Variants in ASB2 observed in about 807,000 individuals in gnomAD.
ASB2 encodes ankyrin repeat and SOCS box containing 2.
A neutral mutation model predicts 62.4 loss-of-function variants in ASB2; 58 were observed. The ratio of observed to expected loss-of-function variants is 0.93; its 90% CI spans 0.75 to 1.16. ASB2 has a LOEUF of 1.16. Among genes scored for constraint, ASB2 ranks in the 50% most tolerant of loss-of-function variants. The pLI, the probability that ASB2 is intolerant of heterozygous loss-of-function variation, is 0.00. For missense variants in ASB2, 928 were observed against 887.9 expected (o/e 1.05, Z -0.57); for synonymous variants, 386 against 385.3 (o/e 1.00, Z -0.02).
chr14:93,947,322 C>G, intron 7 of ASB2, 27 bp downstream of exon 7: 3 of 1,612,316 alleles, frequency 1.9e-6, no homozygotes, highest in South Asian at 2.2e-5. Flanking sequence ...GGAGAGCTGC[C>G]TGGGTGCTGG....
At chr14:93,954,972 C>G in intron 3 of ASB2, 1 of 444,936 alleles carries the variant, frequency 2.2e-6, no homozygotes, top group Admixed American at 2.5e-5. Context: ...AAATTTGAAG[C>G]CTTCACAGTT....
In ASB2 at chr14:93,935,487, C is replaced by G. The variant is rs572685594; in HGVS notation, c.1772-695G>C. Among the ~76,000 whole-genome samples, 3 of 152,332 alleles carry G rather than the reference C, an allele frequency of 2.0e-5. No homozygotes were observed. In the South Asian group the frequency reaches 6.2e-4, roughly 32 times the overall value. On this transcript the variant is annotated intron_variant, in intron 9 of 9. Transcript: ENST00000555019. ...CTGAGCCCCTCTGTTGCACCTAGCT[C>G]TGTGCTTGGGCCAGATATGCAGAGG... is the stretch of plus-strand genomic sequence containing the variant.
At chr14:93,950,086 TCA>T (rs975012566) in intron 6 of ASB2, among the ~76,000 whole-genome samples, 1 of 152,170 alleles carries the variant, frequency 6.6e-6, no homozygotes, top group African/African-American at 2.4e-5. Context: ...TCTCTGAACC[TCA>T]GTCTCTTCAT....
chr14:93,975,541 A>C (rs1889888193), intron 1 of ASB2, among the ~76,000 whole-genome samples: 3 of 152,206 alleles, frequency 2.0e-5, no homozygotes, highest in Admixed American at 2.0e-4. Context: ...TGCTCAATGC[A>C]TGTGGCTATG....
In ASB2 at chr14:93,964,613, C is replaced by T; in HGVS notation, c.-73-1G>A. The T allele has an allele frequency of 6.9e-7, 1 of 1,440,002 alleles. No homozygotes were observed. Among genetic ancestry groups the T allele is most frequent in the Non-Finnish European group, 9.4e-7 (1 of 1,060,928 alleles). 89.2% of individuals were successfully genotyped at this position (1,440,002 alleles called of 1,614,324 possible). A position where few individuals can be genotyped will look rare whatever the true frequency, so the allele number is the denominator to read the frequency against. On this transcript the variant is annotated splice_acceptor_variant, in intron 1 of 9. Coordinates refer to ENST00000555019, the MANE Select transcript of ASB2 (RefSeq NM_001202429.2). LOFTEE classifies it low-confidence loss of function (5UTR_SPLICE). Reference sequence around the variant, plus strand: ...GGAGGGAACAGCAAATCAGAAAACCCTGTGAGGAAACCAAAACCATCCTGG... The same window carrying T: ...GGAGGGAACAGCAAATCAGAAAACCTTGTGAGGAAACCAAAACCATCCTGG...
intron 8 of ASB2, among the ~76,000 whole-genome samples, chr14:93,938,114 A>G (rs1338858806): frequency 6.6e-6 from 1 of 152,124 alleles, no homozygotes; most frequent in Non-Finnish European, 1.5e-5. Flanking sequence ...TTAACATGAG[A>G]ATTAGGTAAT....
At chr14:93,957,055 G>T in intron 2 of ASB2, 185 bp from the exon 3 acceptor site, 1 of 1,472,464 alleles carries the variant, frequency 6.8e-7, no homozygotes, top group Non-Finnish European at 9.0e-7. Context: ...TGTGTCTCCG[G>T]ATTATTTTTG....
chr14:93,939,540 C>T lies in ASB2; in HGVS notation c.1185G>A (p.Val395=), dbSNP rs1221006109. ...CGCGCTCGGGGGCCAGCGGCGTGTT[C>T]ACGTCGAAGCGCGCGCTCAGCAGCG... ...LEALLSARFD[V]NTPLAPERAR... Residue 395 remains valine, a synonymous_variant, in exon 8 of 10, where the codon GTG becomes GTA. Coordinates refer to ENST00000555019, the MANE Select transcript of ASB2 (RefSeq NM_001202429.2). The T allele has an allele frequency of 8.1e-6, 13 of 1,601,980 alleles. No homozygotes were observed. In the South Asian group the frequency reaches 1.4e-4, roughly 18 times the overall value.
chr14:93,958,816 G>C (rs1475187254), intron 2 of ASB2, among the ~76,000 whole-genome samples: 1 of 152,148 alleles, frequency 6.6e-6, no homozygotes, highest in Non-Finnish European at 1.5e-5. Context: ...CTTGGGTCAC[G>C]GCCACCCTCA....
At position 93,934,385 on chromosome 14, in the gene ASB2, A is replaced by G. The variant is rs1888195477; in HGVS notation, c.*271T>C. ...AGCTCTGCCCTGGCCCCAGGAATAG[A>G]GGTTTCTGCCATTCCTGAAGGTAGA... On this transcript the variant is annotated 3_prime_UTR_variant, in exon 10 of 10. Coordinates refer to ENST00000555019, the MANE Select transcript of ASB2 (RefSeq NM_001202429.2). 4.3e-6 allele frequency: 2 copies of G among 468,194 alleles called. No individual in the cohort carries two copies. 29.0% of individuals were successfully genotyped at this position (468,194 alleles called of 1,614,324 possible).
chr14:93,976,330 AG>A (rs1284771762), intron 1 of ASB2, 103 bp downstream of exon 1: 14 of 152,244 alleles, frequency 9.2e-5, no homozygotes, highest in African/African-American at 3.4e-4. Flanking sequence ...GCAACATCAC[AG>A]TTTGACTACA....
intron 1 of ASB2, among the ~76,000 whole-genome samples, chr14:93,966,816 G>A (rs1011481863): frequency 6.6e-6 from 1 of 152,126 alleles, no homozygotes; most frequent in African/African-American, 2.4e-5. Context: ...TCAGGGCTGG[G>A]ACCCAGGGAA....
At chr14:93,963,701 G>A (rs192216334) in intron 2 of ASB2, among the ~76,000 whole-genome samples, 1 of 152,352 alleles carries the variant, frequency 6.6e-6, no homozygotes, top group African/African-American at 2.4e-5. Flanking sequence ...GGAAATATAA[G>A]TCTCTTGGTG....
intron 1 of ASB2, among the ~76,000 whole-genome samples, chr14:93,971,984 TAATAACA>T (rs949819756): frequency 3.4e-5 from 5 of 148,616 alleles, no homozygotes; most frequent in Non-Finnish European, 7.4e-5. Context: ...TATACACACA[TAATAACA>T]TATAACATAT....
At chr14:93,956,648 G>C (rs568809947) in intron 3 of ASB2, 118 bp downstream of exon 3, 1 of 1,360,406 alleles carries the variant, frequency 7.4e-7, no homozygotes, top group Non-Finnish European at 1.0e-6. Flanking sequence ...TGCCTGGCAG[G>C]TGCCTCCATA....
chr14:93,946,053 T>C (rs1888710600), intron 7 of ASB2, among the ~76,000 whole-genome samples: 2 of 152,240 alleles, frequency 1.3e-5, no homozygotes, highest in African/African-American at 4.8e-5. Flanking sequence ...GTAAAAACAT[T>C]ATTTAAAGGA....
At chr14:93,956,720 G>A (rs1439852545) in intron 3 of ASB2, 46 bp downstream of exon 3, 1 of 1,607,128 alleles carries the variant, frequency 6.2e-7, no homozygotes, top group Non-Finnish European at 8.5e-7. Context: ...ATCCCAGTTA[G>A]CGGAGTGAAC....
At chr14:93,953,972 G>T (rs1889074879) in intron 4 of ASB2, among the ~76,000 whole-genome samples, 2 of 152,180 alleles carry the variant, frequency 1.3e-5, no homozygotes, top group South Asian at 4.1e-4. Context: ...GTGGGGGATA[G>T]CCTTGGCCGG....
intron 1 of ASB2, among the ~76,000 whole-genome samples, chr14:93,973,205 G>T (rs1889811736): frequency 6.6e-6 from 1 of 151,998 alleles, no homozygotes; most frequent in African/African-American, 2.4e-5. Context: ...AGCTGGCTCT[G>T]CTCCCACGCC....
Sources: allele counts gnomAD v4.1 joint callset (sites outside exome capture counted in the v4.1 genomes callset), GRCh38; gene constraint gnomAD v4.1.1; transcripts MANE v1.5; gene names NCBI Gene and HGNC (gene_info 2026-07-23, HGNC 2026-07-21).